Variants in GLRA2 observed in about 807,000 individuals in gnomAD.
GLRA2 encodes glycine receptor subunit alpha-2.
GLRA2 carries 11 observed loss-of-function variants against 31.6 expected under a neutral mutation model. That is an observed-to-expected ratio of 0.35 (90% confidence interval 0.22 to 0.58). GLRA2 has a LOEUF of 0.58. Among genes scored for constraint, GLRA2 ranks in the 20% least tolerant of loss-of-function variants. GLRA2 has a pLI of 0.84. For missense variants in GLRA2, 212 were observed against 351.8 expected (o/e 0.60, Z 3.18); for synonymous variants, 132 against 134.0 (o/e 0.99, Z 0.10).
intron 8 of GLRA2, among the ~76,000 whole-genome samples, chrX:14,723,914 G>C (rs191173401): frequency 8.2e-4 from 91 of 111,548 alleles, no homozygotes; most frequent in African/African-American, 2.9e-3. Context: ...TTACTTTATT[G>C]TTTCCCTTCA....
chrX:14,677,417 C>T (rs2091155799), intron 7 of GLRA2, among the ~76,000 whole-genome samples: 1 of 111,662 alleles, frequency 9.0e-6, no homozygotes. Flanking sequence ...GGATAAAACA[C>T]ATATGCATGA....
intron 8 of GLRA2, among the ~76,000 whole-genome samples, chrX:14,699,387 T>C (rs750483814): frequency 8.9e-6 from 1 of 112,391 alleles, no homozygotes; most frequent in Non-Finnish European, 1.9e-5. Flanking sequence ...CTTGAGAACA[T>C]GGTTATGGCA....
the GLRA2 span, among the ~76,000 whole-genome samples, chrX:14,452,079 A>G: frequency 1.8e-5 from 2 of 112,237 alleles, no homozygotes; most frequent in Admixed American, 9.4e-5. Context: ...TACCTGGATG[A>G]TGGGAGCATT....
intron 7 of GLRA2, among the ~76,000 whole-genome samples, chrX:14,653,994 G>A (rs949652429): frequency 1.8e-5 from 2 of 111,662 alleles, no homozygotes; most frequent in African/African-American, 6.5e-5. Context: ...GCATGGTGGT[G>A]TGCCCCTATA....
At chrX:14,650,261 C>T (rs769593925) in intron 7 of GLRA2, among the ~76,000 whole-genome samples, 2 of 110,514 alleles carry the variant, frequency 1.8e-5, no homozygotes, top group African/African-American at 3.3e-5. Context: ...GGCAAACCAA[C>T]TTGAGACAAG....
chrX:14,623,768 T>G (rs1181978982), intron 7 of GLRA2, among the ~76,000 whole-genome samples: 2 of 111,589 alleles, frequency 1.8e-5, no homozygotes, highest in African/African-American at 6.5e-5. Flanking sequence ...TTATTGAGGA[T>G]TTTTGCATCG....
chrX:14,612,226 C>T (rs1336415739), intron 7 of GLRA2, among the ~76,000 whole-genome samples: 1 of 111,755 alleles, frequency 8.9e-6, no homozygotes, highest in Non-Finnish European at 1.9e-5. Flanking sequence ...TGAAAAAATG[C>T]CCATCATCAC....
chrX:14,516,860 C>T, the GLRA2 span, among the ~76,000 whole-genome samples: 1 of 111,611 alleles, frequency 9.0e-6, no homozygotes, highest in Non-Finnish European at 1.9e-5. Flanking sequence ...TACCAAATAC[C>T]AGTCATATAA....
intron 7 of GLRA2, among the ~76,000 whole-genome samples, chrX:14,610,904 A>T (rs192813641): frequency 1.8e-4 from 20 of 112,529 alleles, no homozygotes; most frequent in African/African-American, 6.1e-4. Flanking sequence ...TTCACTGATC[A>T]GGGATCTTTG....
At chrX:14,536,808 A>T (rs2089330171) in intron 2 of GLRA2, among the ~76,000 whole-genome samples, 1 of 111,493 alleles carries the variant, frequency 9.0e-6, no homozygotes, top group Non-Finnish European at 1.9e-5. Flanking sequence ...AAAATATGAG[A>T]GTCATTATTA....
At chrX:14,593,487 T>C (rs891882495) in intron 4 of GLRA2, among the ~76,000 whole-genome samples, 3 of 112,353 alleles carry the variant, frequency 2.7e-5, no homozygotes, top group Non-Finnish European at 5.6e-5. Context: ...TTAGTATGGA[T>C]ATTTTGCTAA....
chrX:14,463,941 G>A, the GLRA2 span, among the ~76,000 whole-genome samples: 13 of 111,760 alleles, frequency 1.2e-4, no homozygotes, highest in African/African-American at 1.6e-4. Context: ...GAAATCACCC[G>A]TCTTCTGCAT....
chrX:14,530,990 A>G, intron 1 of GLRA2: 1 of 877,553 alleles, frequency 1.1e-6, no homozygotes, highest in South Asian at 2.5e-5. Context: ...TAAATGGAAC[A>G]CATAGTAATA....
chrX:14,549,649 C>A (rs761682425), intron 2 of GLRA2, among the ~76,000 whole-genome samples: 1 of 111,623 alleles, frequency 9.0e-6, no homozygotes, highest in African/African-American at 3.2e-5. Context: ...CCATTTTGAG[C>A]AACTGAGCAG....
chrX:14,537,545 C>T (rs2089342563), intron 2 of GLRA2, among the ~76,000 whole-genome samples: 1 of 111,283 alleles, frequency 9.0e-6, no homozygotes, highest in Non-Finnish European at 1.9e-5. Flanking sequence ...TACCCAAGCC[C>T]TTGAAAGAAA....
At chrX:14,685,228 T>C (rs5934189) in intron 7 of GLRA2, among the ~76,000 whole-genome samples, 22,941 of 110,781 alleles carry the variant, frequency 0.21, 1,896 homozygotes, top group Non-Finnish European at 0.25. Context: ...CAGTATTTTA[T>C]TGAGGAGTTT....
At chrX:14,616,371 G>A (rs1406978862) in intron 7 of GLRA2, among the ~76,000 whole-genome samples, 1 of 111,107 alleles carries the variant, frequency 9.0e-6, no homozygotes, top group Non-Finnish European at 1.9e-5. Flanking sequence ...CTGTCTCTTT[G>A]AAGCAAGGAT....
At chrX:14,698,765 C>T (rs966433651) in intron 8 of GLRA2, among the ~76,000 whole-genome samples, 16 of 107,703 alleles carry the variant, frequency 1.5e-4, no homozygotes, top group Non-Finnish European at 1.1e-4. Context: ...AGAAACTGAC[C>T]TCTGAAATAA....
At chrX:14,465,294 T>C in the GLRA2 span, among the ~76,000 whole-genome samples, 4 of 112,196 alleles carry the variant, frequency 3.6e-5, no homozygotes, top group Non-Finnish European at 7.5e-5. Flanking sequence ...TTTTGTATGT[T>C]GATTTTGTAT....
Sources: gnomAD v4.1 joint callset for allele counts (sites outside exome capture counted in the v4.1 genomes callset) on GRCh38, gnomAD v4.1.1 for gene constraint, MANE v1.5 for transcripts, NCBI Gene and HGNC (gene_info 2026-07-23, HGNC 2026-07-21) for gene names.